MAPKAPK3: variants seen among roughly 807,000 people sequenced by gnomAD.
The protein encoded by MAPKAPK3 is MAP kinase-activated protein kinase 3.
In MAPKAPK3, 35 loss-of-function variants were observed where a neutral mutation model predicts 49.2. The ratio of observed to expected loss-of-function variants is 0.71; its 90% CI spans 0.54 to 0.94. MAPKAPK3 has a LOEUF of 0.94. MAPKAPK3 is among the 40% of genes least tolerant of loss of function. MAPKAPK3 has a pLI of 0.00. For missense variants in MAPKAPK3, 398 were observed against 493.1 expected (o/e 0.81, Z 1.83); for synonymous variants, 178 against 188.7 (o/e 0.94, Z 0.46).
chr3:50,642,232 C>G, intron 4 of MAPKAPK3, 21 bp from the exon 5 acceptor site: 1 of 1,565,236 alleles, frequency 6.4e-7, no homozygotes, highest in East Asian at 2.2e-5. Flanking sequence ...TCACTGACCC[C>G]CTCCTCCTCT....
chr3:50,645,594 C>A, intron 6 of MAPKAPK3, 116 bp from the exon 7 acceptor site: 2 of 737,764 alleles, frequency 2.7e-6, no homozygotes, highest in East Asian at 2.5e-5. Context: ...CGCCAGTCTG[C>A]TCTGCCCTAC....
At chr3:50,640,326 G>T (rs557068338) in intron 2 of MAPKAPK3, 40 bp from the exon 3 acceptor site, 1 of 1,589,572 alleles carries the variant, frequency 6.3e-7, no homozygotes, top group Admixed American at 1.7e-5. Flanking sequence ...GATGGTAGAG[G>T]GCTCTGAGCC....
intron 2 of MAPKAPK3, among the ~76,000 whole-genome samples, chr3:50,631,815 C>A (rs987913116): frequency 6.6e-6 from 1 of 152,222 alleles, no homozygotes; most frequent in Non-Finnish European, 1.5e-5. Context: ...CCTAAATTTC[C>A]CTACAACATT....
At chr3:50,643,834 C>A (rs546947559) in intron 5 of MAPKAPK3, among the ~76,000 whole-genome samples, 1 of 152,170 alleles carries the variant, frequency 6.6e-6, no homozygotes, top group African/African-American at 2.4e-5. Flanking sequence ...GGGCCTACAT[C>A]CTACCTACCA....
rs561025322 is a variant in MAPKAPK3, at chr3:50,645,070, C to T, written c.628+538C>T. ...CTGAAAATGTTCCTTGCCAAAACTG[C>T]CCCCTAACCTGAGAGTGGGGTGATG... On this transcript the variant is annotated intron_variant, in intron 6 of 10. Coordinates refer to ENST00000621469, the MANE Select transcript of MAPKAPK3 (RefSeq NM_001243925.2). Among the ~76,000 whole-genome samples the T allele has an allele frequency of 8.3e-4, 127 of 152,228 alleles. 3 individuals carry two copies. In the South Asian group the frequency reaches 0.025, roughly 30 times the overall value.
At chr3:50,623,292 G>A (rs2032653884) in intron 2 of MAPKAPK3, among the ~76,000 whole-genome samples, 2 of 152,204 alleles carry the variant, frequency 1.3e-5, no homozygotes, top group African/African-American at 4.8e-5. Context: ...TGCCAGGGAT[G>A]AGCAATTTGC....
intron 2 of MAPKAPK3, among the ~76,000 whole-genome samples, chr3:50,631,055 G>A (rs2032893433): frequency 6.6e-6 from 1 of 152,252 alleles, no homozygotes; most frequent in African/African-American, 2.4e-5. Flanking sequence ...GAGCCTCTGA[G>A]GAGGAGAGGT....
At chr3:50,611,903 A>C, upstream of MAPKAPK3, 2 of 485,940 alleles carry the variant, frequency 4.1e-6, no homozygotes, top group Non-Finnish European at 6.9e-6. Context: ...TCTTCCTAGA[A>C]CCGCGGGCTG....
At chr3:50,631,117 G>A (rs778704815) in intron 2 of MAPKAPK3, among the ~76,000 whole-genome samples, 1 of 151,056 alleles carries the variant, frequency 6.6e-6, no homozygotes, top group Non-Finnish European at 1.5e-5. Flanking sequence ...TTAATGAAGC[G>A]AGGTCTCATC....
chr3:50,622,978 G>A (rs569005972), intron 2 of MAPKAPK3, among the ~76,000 whole-genome samples: 2 of 152,352 alleles, frequency 1.3e-5, no homozygotes, highest in East Asian at 3.9e-4. Flanking sequence ...GGTGCCCACT[G>A]CTCCAAGGGT....
chr3:50,645,874 G>T, intron 7 of MAPKAPK3, 89 bp downstream of exon 7: 2 of 1,211,570 alleles, frequency 1.7e-6, no homozygotes, highest in Non-Finnish European at 2.4e-6. Flanking sequence ...CCACCCCCAT[G>T]TCCTTGGTGA....
chr3:50,620,401 C>T (rs570361964), intron 2 of MAPKAPK3, among the ~76,000 whole-genome samples: 1 of 152,340 alleles, frequency 6.6e-6, no homozygotes, highest in Non-Finnish European at 1.5e-5. Context: ...TGATGTACTC[C>T]AGGTTAACCA....
At chr3:50,614,407 C>G (rs1424349350), upstream of MAPKAPK3, among the ~76,000 whole-genome samples, 5 of 152,126 alleles carry the variant, frequency 3.3e-5, no homozygotes, top group African/African-American at 9.7e-5. Flanking sequence ...CAAGATGAAT[C>G]ACAAGAATAC....
intron 2 of MAPKAPK3, among the ~76,000 whole-genome samples, chr3:50,629,387 C>T (rs2032845737): frequency 6.6e-6 from 1 of 152,138 alleles, no homozygotes; most frequent in Non-Finnish European, 1.5e-5. Flanking sequence ...CCAGGGGTCC[C>T]CAAGCAAACC....
At chr3:50,647,310 C>A in intron 10 of MAPKAPK3, 107 bp downstream of exon 10, 1 of 845,194 alleles carries the variant, frequency 1.2e-6, no homozygotes, top group Non-Finnish European at 1.9e-6. Flanking sequence ...CTTTCTATAC[C>A]TGGAGCACAG....
At chr3:50,622,726 A>G (rs748607945) in intron 2 of MAPKAPK3, among the ~76,000 whole-genome samples, 3 of 152,218 alleles carry the variant, frequency 2.0e-5, no homozygotes, top group Admixed American at 6.5e-5. Context: ...GGAATTCACA[A>G]TGGAATCTAA....
chr3:50,641,946 G>A (rs2033185482), intron 4 of MAPKAPK3, among the ~76,000 whole-genome samples, 175 bp downstream of exon 4: 1 of 152,170 alleles, frequency 6.6e-6, no homozygotes, highest in African/African-American at 2.4e-5. Context: ...ACACTTTGTC[G>A]AACTTGGACT....
upstream of MAPKAPK3, among the ~76,000 whole-genome samples, chr3:50,616,540 C>T (rs930956768): frequency 5.3e-5 from 8 of 152,178 alleles, no homozygotes; most frequent in African/African-American, 1.9e-4. Flanking sequence ...CAAATGGCAA[C>T]TCGGGATTTC....
intron 2 of MAPKAPK3, among the ~76,000 whole-genome samples, chr3:50,633,547 G>C (rs915398540): frequency 1.3e-5 from 2 of 152,184 alleles, no homozygotes; most frequent in African/African-American, 4.8e-5. Context: ...TGTGGATTTG[G>C]CCAGTGCTGC....
Sources: allele counts gnomAD v4.1 joint callset (sites outside exome capture counted in the v4.1 genomes callset), GRCh38; gene constraint gnomAD v4.1.1; transcripts MANE v1.5; gene names NCBI Gene and HGNC (gene_info 2026-07-23, HGNC 2026-07-21).